Variants in VCF1 observed in about 807,000 individuals in gnomAD.
VCF1 encodes protein VCF1.
At chr17:73,216,174 T>C in the VCF1 span, among the ~76,000 whole-genome samples, 3 of 151,426 alleles carry the variant, frequency 2.0e-5, no homozygotes, top group Non-Finnish European at 4.4e-5. Flanking sequence ...GCTTTCCTAA[T>C]ACAACAAGCA....
chr17:73,224,865 C>G, the VCF1 span, among the ~76,000 whole-genome samples: 218 of 128,638 alleles, frequency 1.7e-3, 2 homozygotes, highest in African/African-American at 4.2e-3. Context: ...GACAGGACAG[C>G]ACAGGACAGG....
At chr17:73,232,285 C>A in the VCF1 span, 1 of 1,598,260 alleles carries the variant, frequency 6.3e-7, no homozygotes, top group Non-Finnish European at 8.5e-7. Flanking sequence ...CTACTTCCGG[C>A]GTCTGCTCCG....
the VCF1 span, among the ~76,000 whole-genome samples, chr17:73,225,895 A>AT: frequency 2.8e-5 from 2 of 72,472 alleles, no homozygotes; most frequent in Non-Finnish European, 5.4e-5. Context: ...ATATATATAT[A>AT]TATATTTTTT....
chr17:73,208,736 T>A, the VCF1 span: 2 of 457,442 alleles, frequency 4.4e-6, no homozygotes. Flanking sequence ...AATGAGATCA[T>A]GTAAGCTGCT....
the VCF1 span, among the ~76,000 whole-genome samples, chr17:73,224,168 G>A: frequency 1.5e-5 from 2 of 133,580 alleles, no homozygotes; most frequent in South Asian, 2.4e-4. Context: ...GCTCAAGTCT[G>A]TAATCCCAGC....
chr17:73,209,853 T>TA, the VCF1 span: 2 of 1,503,228 alleles, frequency 1.3e-6, no homozygotes, highest in Non-Finnish European at 1.8e-6. Flanking sequence ...AGCGCTCTAT[T>TA]AAGAGTACCT....
chr17:73,211,604 G>GT, the VCF1 span, among the ~76,000 whole-genome samples: 6 of 149,350 alleles, frequency 4.0e-5, no homozygotes, highest in African/African-American at 1.2e-4. Context: ...GCTCATGCCT[G>GT]TAATCCCAGC....
chr17:73,207,451 G>A, the VCF1 span: 16 of 699,548 alleles, frequency 2.3e-5, no homozygotes, highest in East Asian at 8.5e-5. Context: ...AAAGATGCCC[G>A]CTGACACTAC....
chr17:73,229,558 G>T, the VCF1 span: 7 of 985,184 alleles, frequency 7.1e-6, no homozygotes, highest in Non-Finnish European at 7.2e-6. Flanking sequence ...CTAGAGACTC[G>T]GCATAGAAAT....
At chr17:73,209,234 A>ATAC in the VCF1 span, 1 of 480,508 alleles carries the variant, frequency 2.1e-6, no homozygotes, top group South Asian at 2.5e-5. Context: ...TGAATGGGAC[A>ATAC]TACTATGGAT....
the VCF1 span, among the ~76,000 whole-genome samples, chr17:73,221,102 T>C: frequency 6.6e-6 from 1 of 151,146 alleles, no homozygotes; most frequent in Admixed American, 6.6e-5. Flanking sequence ...TTTCACCATG[T>C]TGGTCAGGCT....
the VCF1 span, among the ~76,000 whole-genome samples, chr17:73,220,754 C>A: frequency 6.6e-6 from 1 of 150,720 alleles, no homozygotes; most frequent in Non-Finnish European, 1.5e-5. Flanking sequence ...TGTTTTATCT[C>A]CACATTTTTT....
chr17:73,230,876 CAGT>C, the VCF1 span, among the ~76,000 whole-genome samples: 1 of 152,100 alleles, frequency 6.6e-6, no homozygotes, highest in Non-Finnish European at 1.5e-5. Flanking sequence ...TAGTTATGTA[CAGT>C]AGAATTTTTA....
chr17:73,222,023 G>A, the VCF1 span, among the ~76,000 whole-genome samples: 6 of 117,770 alleles, frequency 5.1e-5, no homozygotes, highest in East Asian at 2.6e-4. Context: ...GGGAAAGAGC[G>A]AGACTCTGTC....
At chr17:73,209,917 TAC>T in the VCF1 span, 1 of 1,293,228 alleles carries the variant, frequency 7.7e-7, no homozygotes, top group South Asian at 1.5e-5. Flanking sequence ...ATTGATAAAG[TAC>T]GCTCTCCTAA....
chr17:73,207,676 T>C, the VCF1 span: 1 of 1,294,736 alleles, frequency 7.7e-7, no homozygotes, highest in East Asian at 5.5e-5. Flanking sequence ...TTTGACATTT[T>C]CTTGTTAATA....
the VCF1 span, among the ~76,000 whole-genome samples, chr17:73,222,012 G>A: frequency 1.4e-5 from 2 of 146,026 alleles, no homozygotes; most frequent in Admixed American, 6.9e-5. Context: ...ATTCCAGCCT[G>A]GGGAAAGAGC....
the VCF1 span, among the ~76,000 whole-genome samples, chr17:73,222,856 CTCTGT>C: frequency 1.2e-4 from 18 of 152,228 alleles, no homozygotes; most frequent in Middle Eastern, 3.4e-3. Context: ...CTCGCAGAAC[CTCTGT>C]TCTATCTTCT....
the VCF1 span, among the ~76,000 whole-genome samples, chr17:73,215,664 C>T: frequency 2.6e-5 from 4 of 152,200 alleles, no homozygotes; most frequent in African/African-American, 7.2e-5. Flanking sequence ...CATCCAACCA[C>T]TGGGCAAAGA....
Sources: gnomAD v4.1 joint callset for allele counts (sites outside exome capture counted in the v4.1 genomes callset) on GRCh38, gnomAD v4.1.1 for gene constraint, MANE v1.5 for transcripts, NCBI Gene and HGNC (gene_info 2026-07-23, HGNC 2026-07-21) for gene names.